MAP7D2: variants seen among roughly 807,000 people sequenced by gnomAD.
MAP7D2 encodes the protein MAP7 domain containing 2.
Under a neutral mutation model 63.5 loss-of-function variants are expected in MAP7D2, and 33 were observed. The observed-to-expected ratio is 0.52, with a 90% CI of 0.39 to 0.70. The LOEUF (loss-of-function observed/expected upper bound fraction) is 0.70, where lower values mean the gene tolerates loss of function less well. Among genes scored for constraint, MAP7D2 ranks in the 30% least tolerant of loss-of-function variants. The pLI, the probability that MAP7D2 is intolerant of heterozygous loss-of-function variation, is 0.00. For synonymous variants in MAP7D2, 224 were observed against 223.7 expected (o/e 1.00, Z -0.01); for missense variants, 626 against 604.0 (o/e 1.04, Z -0.38).
intron 1 of MAP7D2, among the ~76,000 whole-genome samples, chrX:20,096,013 C>T (rs12396210): frequency 0.3 from 28,459 of 94,380 alleles, 4,940 homozygotes; most frequent in African/African-American, 0.63. Flanking sequence ...TACCGGGAGA[C>T]GGAGGTTGCT....
At chrX:20,044,650 T>C in intron 6 of MAP7D2, 126 bp from the exon 7 acceptor site, 4 of 601,903 alleles carry the variant, frequency 6.6e-6, no homozygotes, top group Non-Finnish European at 1.1e-5. Context: ...ACTTTTCTAT[T>C]GTACACAGGA....
intron 1 of MAP7D2, among the ~76,000 whole-genome samples, chrX:20,106,807 T>C (rs2066579514): frequency 9.1e-6 from 1 of 110,328 alleles, no homozygotes; most frequent in South Asian, 3.9e-4. Flanking sequence ...ATGAGACCTG[T>C]CTCTATTTAA....
intron 1 of MAP7D2, among the ~76,000 whole-genome samples, chrX:20,066,027 A>G (rs1200580167): frequency 9.4e-6 from 1 of 106,341 alleles, no homozygotes; most frequent in Non-Finnish European, 1.9e-5. Context: ...GGTTCACGCC[A>G]TTCTCCTGCC....
At position 20,025,028 on chromosome X, in the gene MAP7D2, C is replaced by G; in HGVS notation, c.1335G>C (p.Leu445Phe). The G allele has an allele frequency of 8.3e-7, 1 of 1,211,519 alleles. No individual in the cohort carries two copies. The highest frequency in any genetic ancestry group is 1.1e-6 in the Non-Finnish European group (1 of 895,388). The change falls in exon 10 of 17, where the codon TTG becomes TTC. Residue 445 changes from leucine to phenylalanine, a missense_variant. By Grantham distance (22) the Leu-to-Phe change is conservative. Transcript: ENST00000379643. ...GCCGGGCCTGTCTTCTCTTTTCAGC[C>G]AAGATCTTCGCAGCCTCTCCTGCAT... is the stretch of plus-strand genomic sequence containing the variant. Reference protein sequence around the residue: ...TTDAGEAAKILAEKRRQARLQ... With the variant: ...TTDAGEAAKIFAEKRRQARLQ...
At chrX:20,109,153 G>A (rs1419056764) in intron 1 of MAP7D2, among the ~76,000 whole-genome samples, 1 of 108,211 alleles carries the variant, frequency 9.2e-6, no homozygotes, top group Non-Finnish European at 1.9e-5. Context: ...TATAGCAGAT[G>A]TGGGAGACAC....
At chrX:20,079,546 A>G (rs750082726) in intron 1 of MAP7D2, among the ~76,000 whole-genome samples, 46 of 111,914 alleles carry the variant, frequency 4.1e-4, no homozygotes, top group Non-Finnish European at 7.7e-4. Context: ...GATAAAGCTC[A>G]GCCCCCTCGG....
intron 16 of MAP7D2, among the ~76,000 whole-genome samples, chrX:20,009,830 A>T (rs1024467429): frequency 9.1e-6 from 1 of 110,170 alleles, no homozygotes; most frequent in Non-Finnish European, 1.9e-5. Context: ...CCCAACCTCT[A>T]CAAAAACTAA....
Position 20,013,068 on chromosome X carries a change from A to G in MAP7D2, c.1871T>C (p.Val624Ala), listed in dbSNP as rs2073256609. ...VCVEKKTKLV[V>A]PNKMEINGLN... Reference sequence around the variant, plus strand: ...GTCACACTCACCCATTTTGTTGGGGACAACCAGTTTTGTCTTCTTTTCCAC... The same window carrying G: ...GTCACACTCACCCATTTTGTTGGGGGCAACCAGTTTTGTCTTCTTTTCCAC... Residue 624 changes from valine to alanine, a missense_variant, in exon 14 of 17, where the codon GTC becomes GCC. By Grantham distance (64) the Val-to-Ala change is moderately conservative. Transcript: ENST00000379643. The G allele has an allele frequency of 1.7e-6, 2 of 1,209,205 alleles. No homozygotes were observed. Among genetic ancestry groups the G allele is most frequent in the South Asian group, 3.5e-5 (2 of 56,679 alleles).
chrX:20,018,952 G>A (rs188559800), intron 10 of MAP7D2, among the ~76,000 whole-genome samples: 30 of 111,028 alleles, frequency 2.7e-4, no homozygotes, highest in African/African-American at 8.8e-4. Context: ...GCCCTCTGCC[G>A]TGGGCTACCC....
intron 8 of MAP7D2, among the ~76,000 whole-genome samples, chrX:20,040,580 T>C (rs991752050): frequency 2.7e-5 from 3 of 111,276 alleles, no homozygotes; most frequent in East Asian, 2.8e-4. Context: ...TAAGAGGCCA[T>C]TGTTGGGTTA....
intron 1 of MAP7D2, among the ~76,000 whole-genome samples, chrX:20,104,615 T>G (rs1408451290): frequency 8.9e-6 from 1 of 112,635 alleles, no homozygotes; most frequent in African/African-American, 3.2e-5. Flanking sequence ...ATTAGTGATT[T>G]TTTTAAAAGA....
Position 20,009,907 on chromosome X carries a change from A to C in MAP7D2, c.*26+870T>G, listed in dbSNP as rs781415690. Among the ~76,000 whole-genome samples, 4 of 110,621 alleles carry C rather than the reference A, an allele frequency of 3.6e-5. No homozygotes were observed. The South Asian group carries it at 1.2e-3, about 32-fold the overall frequency. On this transcript the variant is annotated intron_variant, in intron 16 of 16. Transcript: ENST00000379643. ...CTACTCAGGAGGCTGAGGCAAGGGG[A>C]TCTCCTGAGCCCAGGAGTTTGAAGT...
At chrX:20,027,755 G>GGGGAGA (rs1556533187) in intron 8 of MAP7D2, among the ~76,000 whole-genome samples, 2 of 81,904 alleles carry the variant, frequency 2.4e-5, no homozygotes, top group East Asian at 3.5e-4. Context: ...GAGAAGGCGG[G>GGGGAGA]GGGAGAGAGA....
intron 8 of MAP7D2, among the ~76,000 whole-genome samples, chrX:20,031,504 G>A (rs759574117): frequency 9.1e-6 from 1 of 110,142 alleles, no homozygotes; most frequent in African/African-American, 3.3e-5. Flanking sequence ...GGTGGCTCAT[G>A]CCTGTACTCC....
In MAP7D2 at chrX:20,019,526, C is replaced by T. The variant is rs1176515920; in HGVS notation, c.1413-3201G>A. On this transcript the variant is annotated intron_variant, in intron 10 of 16. Coordinates refer to ENST00000379643, the MANE Select transcript of MAP7D2 (RefSeq NM_001168465.2). ...TATATTGGCTCCTGTCTGTTGGAAA[C>T]TCCAGCACCTCGCCCCCTTTTCTGT... is the stretch of plus-strand genomic sequence containing the variant. Among the ~76,000 whole-genome samples, 5 of 112,011 alleles carry T rather than the reference C, an allele frequency of 4.5e-5. No individual in the cohort carries two copies. The East Asian group carries it at 1.4e-3, about 31-fold the overall frequency.
chrX:20,008,897 C>T (rs1469217502), intron 16 of MAP7D2, among the ~76,000 whole-genome samples: 1 of 111,899 alleles, frequency 8.9e-6, no homozygotes, highest in Non-Finnish European at 1.9e-5. Context: ...CCTATGAATA[C>T]TCTAATAAAT....
chrX:20,053,845 T>C (rs1341831695), intron 4 of MAP7D2, among the ~76,000 whole-genome samples: 1 of 112,076 alleles, frequency 8.9e-6, no homozygotes, highest in Non-Finnish European at 1.9e-5. Context: ...ATGACAATCT[T>C]AAATAATTTT....
At chrX:20,052,852 GA>G (rs2064983347) in intron 5 of MAP7D2, 25 bp downstream of exon 5, 2 of 1,091,177 alleles carry the variant, frequency 1.8e-6, no homozygotes, top group Non-Finnish European at 1.3e-6. Context: ...ACAAACTAGA[GA>G]GACCAAGTCT....
At chrX:20,092,728 T>C (rs1477367657) in intron 1 of MAP7D2, among the ~76,000 whole-genome samples, 2 of 112,478 alleles carry the variant, frequency 1.8e-5, no homozygotes, top group African/African-American at 6.5e-5. Context: ...CAGCAAAACT[T>C]CAGAGGGCAA....
Sources: allele counts gnomAD v4.1 joint callset (sites outside exome capture counted in the v4.1 genomes callset), GRCh38; gene constraint gnomAD v4.1.1; transcripts MANE v1.5; gene names NCBI Gene and HGNC (gene_info 2026-07-23, HGNC 2026-07-21).